PAPSS1: variants seen among roughly 807,000 people sequenced by gnomAD.
The protein encoded by PAPSS1 is 3'-phosphoadenosine 5'-phosphosulfate synthase 1.
A neutral mutation model predicts 72.0 loss-of-function variants in PAPSS1; 50 were observed. The ratio of observed to expected loss-of-function variants is 0.69; its 90% CI spans 0.55 to 0.88. The LOEUF is 0.88. Ranked by LOEUF, PAPSS1 falls within the 40% of genes least tolerant of loss-of-function variation. The pLI, the probability that PAPSS1 is intolerant of heterozygous loss-of-function variation, is 0.00. For synonymous variants in PAPSS1, 261 were observed against 263.6 expected, an observed-to-expected ratio of 0.99 and a Z score of 0.09; for missense variants, 657 against 782.2, an observed-to-expected ratio of 0.84 and a Z score of 1.91.
chr4:107,644,627 A>C (rs142444032), intron 10 of PAPSS1, among the ~76,000 whole-genome samples, 175 bp downstream of exon 10: 7 of 152,314 alleles, frequency 4.6e-5, no homozygotes, highest in Admixed American at 1.3e-4. Context: ...TTCCTTTCTC[A>C]AGGCTGCCCC....
chr4:107,685,677 C>T (rs575716015), intron 4 of PAPSS1, among the ~76,000 whole-genome samples: 1 of 152,340 alleles, frequency 6.6e-6, no homozygotes, highest in African/African-American at 2.4e-5. Flanking sequence ...TCCATAGTGG[C>T]ATTACCGGAG....
At chr4:107,620,682 A>G (rs2110295799) in intron 11 of PAPSS1, among the ~76,000 whole-genome samples, 1 of 152,324 alleles carries the variant, frequency 6.6e-6, no homozygotes, top group African/African-American at 2.4e-5. Flanking sequence ...CAAACATCCT[A>G]TAATGCATAG....
chr4:107,624,379 T>C (rs981733156), intron 11 of PAPSS1, among the ~76,000 whole-genome samples: 3 of 152,210 alleles, frequency 2.0e-5, no homozygotes, highest in Admixed American at 6.5e-5. Context: ...TTACTATCTG[T>C]CTTCTTTCCT....
chr4:107,664,342 A>G (rs1727261864), intron 5 of PAPSS1, among the ~76,000 whole-genome samples: 1 of 152,200 alleles, frequency 6.6e-6, no homozygotes, highest in African/African-American at 2.4e-5. Flanking sequence ...CTAGAGAAGC[A>G]GAAGAAAGCA....
In PAPSS1 at chr4:107,720,165, C is replaced by T; in HGVS notation, c.15G>A (p.Gly5=). Residue 5 remains glycine, a synonymous_variant, in exon 1 of 12, where the codon GGG becomes GGA. Transcript: ENST00000265174. MEIP[G]SLCKKVKLSN... is the part of the protein sequence containing the mutation. ...TCAGTTTGACTTTCTTGCACAGGCT[C>T]CCGGGGATCTCCATGACCGCGGAGC... The T allele has an allele frequency of 1.2e-6, 2 of 1,604,362 alleles. No individual in the cohort carries two copies. Among genetic ancestry groups the T allele is most frequent in the Non-Finnish European group, 1.7e-6 (2 of 1,175,994 alleles).
rs1359738277 is a variant in PAPSS1 at position 107,696,744 on chromosome 4, T to TA, written c.176-2739dup. ...GTATCCCAGACCTTAAAGAAAAATT[T>TA]AAAAAAAAAAGAAGAGGAGGATATG... On this transcript the variant is annotated intron_variant, in intron 2 of 11. Coordinates refer to ENST00000265174, the MANE Select transcript of PAPSS1 (RefSeq NM_005443.5). Among the ~76,000 whole-genome samples the TA allele has an allele frequency of 2.7e-3, 399 of 148,172 alleles. 1 individual carries two copies. The highest frequency in any genetic ancestry group is 2.8e-3 in the Non-Finnish European group (186 of 66,716).
chr4:107,680,941 T>C (rs748446454), intron 5 of PAPSS1, among the ~76,000 whole-genome samples: 2 of 152,114 alleles, frequency 1.3e-5, no homozygotes, highest in Non-Finnish European at 2.9e-5. Context: ...TTTCTATATA[T>C]TCAGCTACAA....
chr4:107,645,928 T>G (rs1726681138), intron 9 of PAPSS1, among the ~76,000 whole-genome samples: 1 of 152,216 alleles, frequency 6.6e-6, no homozygotes, highest in Non-Finnish European at 1.5e-5. Flanking sequence ...CTTCTATCAC[T>G]GTAACAAAAG....
chr4:107,703,414 C>CA (rs35894658), intron 1 of PAPSS1, among the ~76,000 whole-genome samples: 119,947 of 144,562 alleles, frequency 0.83, 50,601 homozygotes, highest in Non-Finnish European at 0.92. Context: ...GAGTCATATC[C>CA]AAAAAAAAAA....
chr4:107,672,191 T>A (rs1727497248), intron 5 of PAPSS1, among the ~76,000 whole-genome samples: 1 of 152,130 alleles, frequency 6.6e-6, no homozygotes, highest in Non-Finnish European at 1.5e-5. Context: ...ACCGGGCGCA[T>A]CTCACTGGGG....
chr4:107,715,319 T>C (rs1462702205), intron 1 of PAPSS1, among the ~76,000 whole-genome samples: 1 of 152,212 alleles, frequency 6.6e-6, no homozygotes, highest in East Asian at 1.9e-4. Context: ...GCTTCCCTTT[T>C]CATCAGGCAA....
chr4:107,675,550 A>G (rs1727618772), intron 5 of PAPSS1, among the ~76,000 whole-genome samples: 1 of 152,206 alleles, frequency 6.6e-6, no homozygotes, highest in African/African-American at 2.4e-5. Flanking sequence ...TTAATAACTT[A>G]CCAACCAAAA....
At chr4:107,631,987 A>G (rs1393503397) in intron 10 of PAPSS1, 127 bp from the exon 11 acceptor site, 2 of 673,736 alleles carry the variant, frequency 3.0e-6, no homozygotes, top group Non-Finnish European at 4.8e-6. Context: ...ACAAATTTAG[A>G]TGTATCATCC....
intron 5 of PAPSS1, among the ~76,000 whole-genome samples, chr4:107,676,937 C>G (rs908336384): frequency 3.3e-5 from 5 of 152,008 alleles, no homozygotes; most frequent in African/African-American, 4.8e-5. Flanking sequence ...AATGGGGAAA[C>G]GATTCCCTAT....
intron 1 of PAPSS1, among the ~76,000 whole-genome samples, chr4:107,710,522 G>C (rs1279791994): frequency 4.1e-5 from 2 of 49,100 alleles, no homozygotes; most frequent in African/African-American, 6.3e-5. Flanking sequence ...GCTGGGGTCC[G>C]AAGGGAGTAA....
chr4:107,621,361 G>A (rs72883519), intron 11 of PAPSS1, among the ~76,000 whole-genome samples: 6,816 of 152,154 alleles, frequency 0.045, 490 homozygotes, highest in African/African-American at 0.15. Context: ...AAACTCAACT[G>A]CGTACAACTG....
At chr4:107,714,634 A>T (rs964288721) in intron 1 of PAPSS1, among the ~76,000 whole-genome samples, 3 of 152,098 alleles carry the variant, frequency 2.0e-5, no homozygotes, top group Non-Finnish European at 2.9e-5. Flanking sequence ...AGATTTAAGA[A>T]TTTTTTTTAG....
At chr4:107,628,911 C>A (rs1726164003) in intron 11 of PAPSS1, among the ~76,000 whole-genome samples, 1 of 152,184 alleles carries the variant, frequency 6.6e-6, no homozygotes, top group African/African-American at 2.4e-5. Context: ...TACAGCTTCA[C>A]ACTACCACTT....
At chr4:107,657,103 A>C (rs1228225054) in intron 6 of PAPSS1, 96 bp from the exon 7 acceptor site, 7 of 790,956 alleles carry the variant, frequency 8.9e-6, no homozygotes, top group Non-Finnish European at 1.6e-5. Context: ...AAAGCAATGG[A>C]AACAAACAGT....
Sources: allele counts gnomAD v4.1 joint callset (sites outside exome capture counted in the v4.1 genomes callset), GRCh38; gene constraint gnomAD v4.1.1; transcripts MANE v1.5; gene names NCBI Gene and HGNC (gene_info 2026-07-23, HGNC 2026-07-21).